The following TMTC2 variants were observed in gnomAD, a reference collection of about 807,000 sequenced individuals.
TMTC2 encodes the protein transmembrane O-mannosyltransferase targeting cadherins 2.
In TMTC2, 43 loss-of-function variants were observed where a neutral mutation model predicts 82.4. That is an observed-to-expected ratio of 0.52 (90% CI 0.41 to 0.67). The LOEUF is 0.67. Ranked by LOEUF, TMTC2 falls within the 30% of genes least tolerant of loss-of-function variation. The pLI, the probability that TMTC2 is intolerant of heterozygous loss-of-function variation, is 0.00. For synonymous variants in TMTC2, 408 were observed against 381.9 expected, an observed-to-expected ratio of 1.07 and a Z score of -0.80; for missense variants, 919 against 1,012.4, an observed-to-expected ratio of 0.91 and a Z score of 1.25.
At chr12:82,753,010 C>T (rs1216752449) in intron 1 of TMTC2, among the ~76,000 whole-genome samples, 2 of 152,098 alleles carry the variant, frequency 1.3e-5, no homozygotes, top group Non-Finnish European at 2.9e-5. Flanking sequence ...GAGAATTTCT[C>T]TCTCTTGGTC....
At position 82,950,552 on chromosome 12, in the gene TMTC2, C is replaced by A. The variant is rs77981495; in HGVS notation, c.1599-14472C>A. 9.5e-3 allele frequency among the ~76,000 whole-genome samples: 1,453 copies of A among 152,236 alleles called. 26 individuals are homozygous for A. Among genetic ancestry groups the A allele is most frequent in the African/African-American group, 0.033 (1,369 of 41,546 alleles). ...CCTTCATTTTAAGATAAGGTTGATACCTTTATGGGTTCATTGTGAGAAATA... is the reference window on the plus strand; with the variant it reads ...CCTTCATTTTAAGATAAGGTTGATAACTTTATGGGTTCATTGTGAGAAATA... On this transcript the variant is annotated intron_variant, in intron 4 of 11. Coordinates refer to ENST00000321196, the MANE Select transcript of TMTC2 (RefSeq NM_152588.3).
intron 11 of TMTC2, 24 bp downstream of exon 11, chr12:83,061,855 C>T (rs781759080): frequency 2.6e-6 from 4 of 1,550,998 alleles, no homozygotes; most frequent in Middle Eastern, 1.7e-4. Flanking sequence ...TAATGAGAAA[C>T]ATTTTCAGAG....
In TMTC2 at chr12:82,896,358, T is replaced by C; in HGVS notation, c.1195T>C (p.Ser399Pro). 8 of 1,614,172 alleles carry C rather than the reference T, an allele frequency of 5.0e-6. No homozygotes were observed. Among genetic ancestry groups the C allele is most frequent in the Non-Finnish European group, 6.8e-6 (8 of 1,180,038 alleles). ...STENIVVLSLSLLIIPFVPAT... is the reference protein window; with the variant it reads ...STENIVVLSLPLLIIPFVPAT... Reference sequence around the variant, plus strand: ...GGAGAACATTGTTGTTCTGTCTTTATCTTTGTTAATCATACCCTTTGTTCC... The same window carrying C: ...GGAGAACATTGTTGTTCTGTCTTTACCTTTGTTAATCATACCCTTTGTTCC... The change falls in exon 3 of 12, where the codon TCT (serine) becomes CCT (proline). Residue 399 changes from serine (S) to proline (P), a missense_variant. Ser to Pro is a moderately conservative substitution (Grantham distance 74). Transcript: ENST00000321196.
At chr12:83,113,711 A>G (rs1884667944) in intron 11 of TMTC2, among the ~76,000 whole-genome samples, 1 of 152,164 alleles carries the variant, frequency 6.6e-6, no homozygotes, top group Admixed American at 6.5e-5. Context: ...TCGCATCATT[A>G]TTTTTCCAGG....
At position 82,812,774 on chromosome 12, in the gene TMTC2, C is replaced by T. The variant is rs1029317402; in HGVS notation, c.84-44236C>T. On this transcript the variant is annotated intron_variant, in intron 1 of 11. Coordinates refer to ENST00000321196, the MANE Select transcript of TMTC2 (RefSeq NM_152588.3). ...ATTTTTTTTATGAAAATCTTGTAAG[C>T]TTATAGAAAAATATTGATAATTAAC... 1.4e-4 allele frequency among the ~76,000 whole-genome samples: 21 copies of T among 151,626 alleles called. 1 individual carries two copies. The highest frequency in any genetic ancestry group is 1.0e-4 in the Non-Finnish European group (7 of 67,876).
chr12:82,730,418 G>A (rs1874732125), intron 1 of TMTC2, among the ~76,000 whole-genome samples: 1 of 150,402 alleles, frequency 6.6e-6, no homozygotes, highest in African/African-American at 2.4e-5. Context: ...AGTGTAGTCT[G>A]GGGGTCACTC....
intron 9 of TMTC2, 32 bp downstream of exon 9, chr12:83,030,911 C>A (rs769494424): frequency 2.0e-6 from 3 of 1,473,530 alleles, no homozygotes; most frequent in Non-Finnish European, 2.8e-6. Flanking sequence ...TTCCATGTCC[C>A]CCACATTTAC....
intron 1 of TMTC2, among the ~76,000 whole-genome samples, chr12:82,851,799 A>T (rs1207889866): frequency 6.6e-6 from 1 of 152,168 alleles, no homozygotes; most frequent in Non-Finnish European, 1.5e-5. Flanking sequence ...AAAGCATGTC[A>T]GAACAGCGCC....
At chr12:83,101,941 C>T (rs1372643107) in intron 11 of TMTC2, among the ~76,000 whole-genome samples, 2 of 152,124 alleles carry the variant, frequency 1.3e-5, no homozygotes, top group East Asian at 3.8e-4. Flanking sequence ...ACTTGTCTGG[C>T]TTAAAGATTA....
At chr12:82,736,212 T>A (rs117501785) in intron 1 of TMTC2, among the ~76,000 whole-genome samples, 1 of 152,310 alleles carries the variant, frequency 6.6e-6, no homozygotes, top group East Asian at 1.9e-4. Context: ...TTTGACTACA[T>A]CTAAGTATTA....
rs1287250107 is a variant in TMTC2, at chr12:83,133,533, T to C, written c.*1144T>C. ...AAAAACAACTTATTTGAAGCTGCAATAGAGTGTAGCATTAGCCTGCATGTT... is the reference window on the plus strand; with the variant it reads ...AAAAACAACTTATTTGAAGCTGCAACAGAGTGTAGCATTAGCCTGCATGTT... On this transcript the variant is annotated 3_prime_UTR_variant, in exon 12 of 12. Coordinates refer to ENST00000321196, the MANE Select transcript of TMTC2 (RefSeq NM_152588.3). The C allele has an allele frequency of 1.3e-5, 2 of 152,228 alleles. No homozygotes were observed. The highest frequency in any genetic ancestry group is 2.9e-5 in the Non-Finnish European group (2 of 68,042). The allele number at this position is 152,228 out of a possible 1,614,324, so 9.4% of individuals were successfully genotyped here.
intron 3 of TMTC2, among the ~76,000 whole-genome samples, chr12:82,918,730 C>G (rs887070173): frequency 6.6e-6 from 1 of 151,530 alleles, no homozygotes; most frequent in Non-Finnish European, 1.5e-5. Flanking sequence ...CTCTCTCTCT[C>G]TCTCTCTCTT....
At chr12:83,028,623 T>C (rs971783726) in intron 8 of TMTC2, among the ~76,000 whole-genome samples, 6 of 152,244 alleles carry the variant, frequency 3.9e-5, no homozygotes, top group African/African-American at 1.2e-4. Context: ...GCTCTGCCTG[T>C]CCTCTTTTTT....
chr12:82,990,595 C>T (rs1879358218), intron 8 of TMTC2, among the ~76,000 whole-genome samples: 1 of 152,034 alleles, frequency 6.6e-6, no homozygotes, highest in Admixed American at 6.6e-5. Flanking sequence ...GTACCGGTCT[C>T]AGTATCTTCA....
intron 1 of TMTC2, among the ~76,000 whole-genome samples, chr12:82,810,730 A>G (rs1440027329): frequency 6.6e-6 from 1 of 152,116 alleles, no homozygotes; most frequent in South Asian, 2.1e-4. Flanking sequence ...AGATGGAGGT[A>G]ATTGAATCAT....
At chr12:82,698,937 A>T (rs1872944118) in intron 1 of TMTC2, among the ~76,000 whole-genome samples, 1 of 152,220 alleles carries the variant, frequency 6.6e-6, no homozygotes, top group Non-Finnish European at 1.5e-5. Context: ...GCAGGATGGC[A>T]TGCAGTTTCA....
At chr12:83,074,120 A>G (rs1257350326) in intron 11 of TMTC2, among the ~76,000 whole-genome samples, 1 of 152,132 alleles carries the variant, frequency 6.6e-6, no homozygotes, top group Non-Finnish European at 1.5e-5. Context: ...GTGACAGGGA[A>G]TGCCTAGAGC....
chr12:82,884,206 C>T (rs1872975383), intron 2 of TMTC2, among the ~76,000 whole-genome samples: 1 of 152,142 alleles, frequency 6.6e-6, no homozygotes, highest in African/African-American at 2.4e-5. Flanking sequence ...TGCTTGATTT[C>T]CCCACGTTAG....
At chr12:82,948,102 C>T (rs1048450337) in intron 4 of TMTC2, among the ~76,000 whole-genome samples, 1 of 152,174 alleles carries the variant, frequency 6.6e-6, no homozygotes, top group African/African-American at 2.4e-5. Context: ...CTCAGTGGCT[C>T]ACATCTGTAA....
Sources: allele counts gnomAD v4.1 joint callset (sites outside exome capture counted in the v4.1 genomes callset), GRCh38; gene constraint gnomAD v4.1.1; transcripts MANE v1.5; gene names NCBI Gene and HGNC (gene_info 2026-07-23, HGNC 2026-07-21).